The following GRHL1 variants were observed in gnomAD, a reference collection of about 807,000 sequenced individuals.
The protein encoded by GRHL1 is grainyhead-like protein 1 homolog.
Under a neutral mutation model 75.7 loss-of-function variants are expected in GRHL1, and 38 were observed. The ratio of observed to expected loss-of-function variants is 0.50; its 90% confidence interval spans 0.39 to 0.66. GRHL1 has a LOEUF of 0.66. Among genes scored for constraint, GRHL1 ranks in the 30% least tolerant of loss-of-function variants. GRHL1 has a pLI of 0.00. For synonymous variants in GRHL1, 266 were observed against 279.4 expected, an observed-to-expected ratio of 0.95 and a Z score of 0.48; for missense variants, 589 against 767.5, an observed-to-expected ratio of 0.77 and a Z score of 2.75.
At chr2:9,963,392 G>C (rs1317223653) in intron 5 of GRHL1, among the ~76,000 whole-genome samples, 1 of 152,204 alleles carries the variant, frequency 6.6e-6, no homozygotes, top group Admixed American at 6.5e-5. Context: ...GGCCTGGGAA[G>C]GTTCTTAAAC....
rs1416092671 is a variant in GRHL1, at chr2:9,986,246, C to T, written c.1233C>T (p.His411=). The T allele has an allele frequency of 1.2e-6, 2 of 1,613,692 alleles. No homozygotes were observed. Among genetic ancestry groups the T allele is most frequent in the Non-Finnish European group, 1.7e-6 (2 of 1,179,836 alleles). ...ACAACCGCAGCAACAAGCCTGTGCA[C>T]CGGGCCTACTGCCAGATCAAGGTCT... The part of the protein sequence containing the change: ...SYNNRSNKPV[H]RAYCQIKVFC... Residue 411 remains histidine, a synonymous_variant, in exon 9 of 16, where the codon CAC becomes CAT. Coordinates refer to ENST00000324907, the MANE Select transcript of GRHL1 (RefSeq NM_198182.3).
At chr2:9,964,097 T>C in intron 6 of GRHL1, 55 bp downstream of exon 6, 2 of 1,543,226 alleles carry the variant, frequency 1.3e-6, no homozygotes, top group Non-Finnish European at 1.8e-6. Context: ...GCCTAACATT[T>C]CCAGGTCTGA....
intron 8 of GRHL1, among the ~76,000 whole-genome samples, chr2:9,966,708 A>G (rs1312483289): frequency 2.6e-5 from 4 of 152,062 alleles, no homozygotes; most frequent in Non-Finnish European, 5.9e-5. Flanking sequence ...CTTGAGAGCC[A>G]TGTTCTGCTT....
At chr2:9,981,900 T>C (rs1420742785) in intron 8 of GRHL1, among the ~76,000 whole-genome samples, 2 of 152,232 alleles carry the variant, frequency 1.3e-5, no homozygotes, top group East Asian at 3.9e-4. Context: ...GAGTTACAAC[T>C]TCAGCCTTCA....
chr2:9,991,921 A>G, intron 10 of GRHL1, 86 bp from the exon 11 acceptor site: 1 of 1,030,590 alleles, frequency 9.7e-7, no homozygotes, highest in Non-Finnish European at 1.4e-6. Flanking sequence ...TATCTTACTC[A>G]GAGGCGAGCA....
chr2:9,986,539 T>C (rs114275534), intron 9 of GRHL1, among the ~76,000 whole-genome samples: 3,988 of 151,958 alleles, frequency 0.026, 174 homozygotes, highest in African/African-American at 0.091. Context: ...GCCCCAGCCT[T>C]CCCAGTAGCT....
At chr2:9,975,126 A>G (rs575891956) in intron 8 of GRHL1, among the ~76,000 whole-genome samples, 4 of 152,232 alleles carry the variant, frequency 2.6e-5, no homozygotes, top group Non-Finnish European at 5.9e-5. Flanking sequence ...TTCACCTTCT[A>G]AGGCCTGTGT....
intron 14 of GRHL1, 124 bp from the exon 15 acceptor site, chr2:9,998,841 T>C (rs1248259463): frequency 7.3e-6 from 1 of 136,484 alleles, no homozygotes; most frequent in African/African-American, 7.5e-5. Flanking sequence ...TATATACGTA[T>C]ATATATGTAC....
At chr2:9,975,299 T>C (rs1369785344) in intron 8 of GRHL1, among the ~76,000 whole-genome samples, 1 of 152,210 alleles carries the variant, frequency 6.6e-6, no homozygotes, top group African/African-American at 2.4e-5. Context: ...AACAGAAAGA[T>C]AGTCACTGGA....
At chr2:9,972,748 A>G (rs1408582936) in intron 8 of GRHL1, among the ~76,000 whole-genome samples, 1 of 152,190 alleles carries the variant, frequency 6.6e-6, no homozygotes, top group East Asian at 1.9e-4. Context: ...CAGAGCAAAC[A>G]TTGTACTTGT....
At chr2:9,966,450 C>T (rs1440368948) in intron 8 of GRHL1, 1 of 151,932 alleles carries the variant, frequency 6.6e-6, no homozygotes, top group Admixed American at 6.6e-5. Context: ...ATTTTTCAGA[C>T]AGTTGTTAAC....
At position 9,996,411 on chromosome 2, in the gene GRHL1, A is replaced by T; in HGVS notation, c.1677+10A>T. Reference sequence around the variant, plus strand: ...GGGCTTGATGGAAGCTGTAAGTAGGATCAACTCTGTAATCCCCTGTACAAA... The same window carrying T: ...GGGCTTGATGGAAGCTGTAAGTAGGTTCAACTCTGTAATCCCCTGTACAAA... On this transcript the variant is annotated intron_variant, in intron 14 of 15. Coordinates refer to ENST00000324907, the MANE Select transcript of GRHL1 (RefSeq NM_198182.3). 1 of 1,537,638 alleles carries T rather than the reference A, an allele frequency of 6.5e-7. No homozygotes were observed.
rs370871028 is a variant in GRHL1, at chr2:9,993,104, T to C, written c.1462-103T>C. The C allele has an allele frequency of 5.5e-5, 49 of 895,048 alleles. 1 individual carries two copies. In the South Asian group the frequency reaches 6.6e-4, roughly 12 times the overall value. 55.4% of individuals were successfully genotyped at this position (895,048 alleles called of 1,614,324 possible). On this transcript the variant is annotated intron_variant, in intron 11 of 15. Coordinates refer to ENST00000324907, the MANE Select transcript of GRHL1 (RefSeq NM_198182.3). ...AAACTAAGGCTAAAGGATTTTATAT[T>C]AGATTGGTGAAATTCAAAATTATTT...
At position 9,972,192 on chromosome 2, in the gene GRHL1, C is replaced by CT. The variant is rs79565280; in HGVS notation, c.1110+6826dup. The stretch of plus-strand genomic sequence containing the variant: ...TGGGCTGTCACTTGAATTCCTTTTT[C>CT]TTTTTTTTTTTTTTTGGTCAAATTT... On this transcript the variant is annotated intron_variant, in intron 8 of 15. Coordinates refer to ENST00000324907, the MANE Select transcript of GRHL1 (RefSeq NM_198182.3). 1.3e-3 allele frequency among the ~76,000 whole-genome samples: 172 copies of CT among 134,660 alleles called. 1 individual carries two copies. Among genetic ancestry groups the CT allele is most frequent in the South Asian group, 1.5e-3 (6 of 4,104 alleles). 88.3% of individuals were successfully genotyped at this position (134,660 alleles called of 152,430 possible).
chr2:9,981,204 C>T (rs191214150), intron 8 of GRHL1, among the ~76,000 whole-genome samples: 1 of 152,356 alleles, frequency 6.6e-6, no homozygotes, highest in Non-Finnish European at 1.5e-5. Flanking sequence ...ACCCTCCTGA[C>T]CATAAAGCTC....
chr2:9,991,950 G>A (rs1255396563), intron 10 of GRHL1, 57 bp from the exon 11 acceptor site: 2 of 1,396,230 alleles, frequency 1.4e-6, no homozygotes, highest in Non-Finnish European at 1.9e-6. Flanking sequence ...CCTGCATCCA[G>A]TCTGTATGTA....
chr2:9,965,454 G>T, intron 8 of GRHL1, 73 bp downstream of exon 8: 2 of 806,944 alleles, frequency 2.5e-6, no homozygotes, highest in Non-Finnish European at 2.1e-6. Flanking sequence ...TTTGACAACT[G>T]ATTTTTTTTT....
At chr2:9,953,011 G>A (rs776887496) in intron 1 of GRHL1, 3 of 456,790 alleles carry the variant, frequency 6.6e-6, no homozygotes, top group Non-Finnish European at 1.3e-5. Flanking sequence ...TTCGGCGACT[G>A]AAGCCTACTT....
rs1274357958 is a variant in GRHL1, at chr2:9,987,805, G to A, written c.1269+1523G>A. Among the ~76,000 whole-genome samples, 1 of 152,200 alleles carries A rather than the reference G, an allele frequency of 6.6e-6. No homozygotes were observed. The highest frequency in any genetic ancestry group is 2.4e-5 in the African/African-American group (1 of 41,452). ...TCGAAACTGGGGAGCAACCGTGGAT[G>A]AGTGGACATTCCATTGAACTAAGAC... On this transcript the variant is annotated intron_variant, in intron 9 of 15. Transcript: ENST00000324907. The surrounding 1 kb of genome is among the most constrained non-coding windows in gnomAD (Gnocchi z 4.2).
Sources: allele counts gnomAD v4.1 joint callset (sites outside exome capture counted in the v4.1 genomes callset), GRCh38; gene constraint gnomAD v4.1.1; non-coding constraint Gnocchi (gnomAD v3.1); transcripts MANE v1.5; gene names NCBI Gene and HGNC (gene_info 2026-07-23, HGNC 2026-07-21).